RSPO2: variants seen among roughly 807,000 people sequenced by gnomAD.
RSPO2 encodes R-spondin-2.
A neutral mutation model predicts 30.9 loss-of-function variants in RSPO2; 14 were observed. The observed-to-expected ratio is 0.45, with a 90% CI of 0.30 to 0.71. RSPO2 has a LOEUF of 0.71. RSPO2 is among the 30% of genes least tolerant of loss of function. The pLI is 0.08. For missense variants in RSPO2, 264 were observed against 301.9 expected, an observed-to-expected ratio of 0.87 and a Z score of 0.93; for synonymous variants, 107 against 96.4, an observed-to-expected ratio of 1.11 and a Z score of -0.64.
At chr8:107,955,679 A>G (rs1813408108) in intron 5 of RSPO2, among the ~76,000 whole-genome samples, 2 of 152,166 alleles carry the variant, frequency 1.3e-5, no homozygotes, top group Non-Finnish European at 2.9e-5. Flanking sequence ...CATATTTAAT[A>G]GTTTTCAGTG....
At chr8:108,056,913 C>T (rs1350181003) in intron 2 of RSPO2, among the ~76,000 whole-genome samples, 1 of 150,374 alleles carries the variant, frequency 6.7e-6, no homozygotes, top group Non-Finnish European at 1.5e-5. Flanking sequence ...AAAAATTAGC[C>T]GGGCATGGTG....
intron 2 of RSPO2, among the ~76,000 whole-genome samples, chr8:108,075,163 T>G (rs1358213156): frequency 5.3e-5 from 8 of 152,186 alleles, no homozygotes; most frequent in Admixed American, 5.2e-4. Flanking sequence ...ATTGCCCTTT[T>G]CTATAAAATA....
intron 2 of RSPO2, among the ~76,000 whole-genome samples, chr8:108,063,032 C>T (rs1812526919): frequency 6.6e-6 from 1 of 151,078 alleles, no homozygotes; most frequent in Admixed American, 6.6e-5. Flanking sequence ...GGAAGTATCT[C>T]AAAATAATAA....
intron 2 of RSPO2, among the ~76,000 whole-genome samples, chr8:108,050,843 TCC>T (rs1307878296): frequency 6.6e-6 from 1 of 152,068 alleles, no homozygotes; most frequent in African/African-American, 2.4e-5. Flanking sequence ...TACCTCCAAC[TCC>T]AAGGACAAAA....
chr8:107,974,933 T>C (rs1178451300), intron 3 of RSPO2, among the ~76,000 whole-genome samples: 2 of 152,168 alleles, frequency 1.3e-5, no homozygotes, highest in African/African-American at 4.8e-5. Flanking sequence ...ATTTGAAGTG[T>C]ACTGTTCTTT....
intron 5 of RSPO2, among the ~76,000 whole-genome samples, chr8:107,921,341 A>C (rs994643739): frequency 1.3e-5 from 2 of 151,782 alleles, no homozygotes; most frequent in Non-Finnish European, 2.9e-5. Flanking sequence ...AGAAGAAAAA[A>C]TTTACTCTTC....
intron 3 of RSPO2, among the ~76,000 whole-genome samples, chr8:107,972,536 A>G (rs1814037456): frequency 6.6e-6 from 1 of 152,120 alleles, no homozygotes; most frequent in Non-Finnish European, 1.5e-5. Flanking sequence ...TTAGGCACCA[A>G]ATTACTAAAT....
intron 3 of RSPO2, among the ~76,000 whole-genome samples, chr8:107,970,948 A>G (rs1049509062): frequency 6.6e-6 from 1 of 152,356 alleles, no homozygotes; most frequent in South Asian, 2.1e-4. Flanking sequence ...TGGTTGTACC[A>G]CGCAGTGGCA....
intron 5 of RSPO2, 142 bp from the exon 6 acceptor site, chr8:107,901,332 C>T (rs1285595546): frequency 1.1e-6 from 1 of 882,358 alleles, no homozygotes; most frequent in Admixed American, 3.0e-5. Flanking sequence ...AAATTGTTCA[C>T]ATTAATTTTG....
intron 5 of RSPO2, among the ~76,000 whole-genome samples, chr8:107,919,685 G>T (rs1812091362): frequency 6.6e-6 from 1 of 152,106 alleles, no homozygotes; most frequent in Admixed American, 6.6e-5. Flanking sequence ...GACAGCTTCA[G>T]CTCCCTATTA....
At chr8:107,983,035 G>GTATCATTAAAAAA in intron 3 of RSPO2, 1 of 1,007,930 alleles carries the variant, frequency 9.9e-7, no homozygotes, top group Admixed American at 2.6e-5. Flanking sequence ...CTCTGCGGCT[G>GTATCATTAAAAAA]TGTCACGCTC....
intron 5 of RSPO2, among the ~76,000 whole-genome samples, chr8:107,924,963 T>A (rs991836987): frequency 6.6e-6 from 1 of 152,066 alleles, no homozygotes; most frequent in Non-Finnish European, 1.5e-5. Flanking sequence ...CAAATCTCCA[T>A]AAAATATCAG....
At chr8:108,037,138 C>T (rs1811623007) in intron 2 of RSPO2, among the ~76,000 whole-genome samples, 1 of 152,170 alleles carries the variant, frequency 6.6e-6, no homozygotes, top group African/African-American at 2.4e-5. Flanking sequence ...GCTTAGTGAG[C>T]AGGGCATGTT....
At chr8:107,933,402 T>C (rs2130351708) in intron 5 of RSPO2, among the ~76,000 whole-genome samples, 1 of 152,310 alleles carries the variant, frequency 6.6e-6, no homozygotes, top group Middle Eastern at 3.4e-3. Flanking sequence ...TTTCATTTAC[T>C]TCTATGCTCA....
chr8:108,081,470 A>C (rs1342039625), intron 2 of RSPO2, among the ~76,000 whole-genome samples: 1 of 152,262 alleles, frequency 6.6e-6, no homozygotes, highest in Non-Finnish European at 1.5e-5. Flanking sequence ...AAAGTGCCGA[A>C]TGAAATAGAC....
Position 108,082,749 on chromosome 8 carries a change from C to A in RSPO2, c.-111G>T. On this transcript the variant is annotated 5_prime_UTR_variant, in exon 2 of 6. Coordinates refer to ENST00000276659, the MANE Select transcript of RSPO2 (RefSeq NM_178565.5). ...GGGGAGGACTCAGAGGGAGACTCGC[C>A]ACTCACCCCCGGGCCGCACCGGTCA... 1.2e-6 allele frequency: 1 copy of A among 800,622 alleles called. No homozygotes were observed. Among genetic ancestry groups the A allele is most frequent in the Non-Finnish European group, 2.1e-6 (1 of 487,750 alleles). The allele number at this position is 800,622 out of a possible 1,614,324, so 49.6% of individuals were successfully genotyped here.
chr8:107,987,332 A>G (rs530184798), intron 3 of RSPO2, among the ~76,000 whole-genome samples: 5 of 152,250 alleles, frequency 3.3e-5, no homozygotes, highest in African/African-American at 1.2e-4. Flanking sequence ...AATTATCTTA[A>G]AGCAATCTCT....
chr8:107,942,966 GT>G (rs1812945721), intron 5 of RSPO2, among the ~76,000 whole-genome samples: 1 of 152,328 alleles, frequency 6.6e-6, no homozygotes, highest in South Asian at 2.1e-4. Context: ...GCCAAATAAA[GT>G]TGGGCTTAAG....
intron 3 of RSPO2, among the ~76,000 whole-genome samples, chr8:107,987,870 G>C (rs997100306): frequency 6.6e-6 from 1 of 152,070 alleles, no homozygotes; most frequent in Non-Finnish European, 1.5e-5. Flanking sequence ...GTTAATGGGA[G>C]ATCATTAAAT....
Sources: gnomAD v4.1 joint callset for allele counts (sites outside exome capture counted in the v4.1 genomes callset) on GRCh38, gnomAD v4.1.1 for gene constraint, MANE v1.5 for transcripts, NCBI Gene and HGNC (gene_info 2026-07-23, HGNC 2026-07-21) for gene names.